Variants in MARCHF1 observed in about 807,000 individuals in gnomAD.
MARCHF1 encodes the protein E3 ubiquitin-protein ligase MARCHF1.
A neutral mutation model predicts 54.2 loss-of-function variants in MARCHF1; 40 were observed. That is an observed-to-expected ratio of 0.74 (90% confidence interval 0.57 to 0.96). MARCHF1 has a LOEUF of 0.96. Among genes scored for constraint, MARCHF1 ranks in the 40% least tolerant of loss-of-function variants. The pLI is 0.00. For synonymous variants in MARCHF1, 236 were observed against 236.3 expected (o/e 1.00, Z 0.01); for missense variants, 586 against 656.5 (o/e 0.89, Z 1.17).
chr4:163,805,693 G>A (rs1294970989), intron 4 of MARCHF1, among the ~76,000 whole-genome samples: 1 of 152,142 alleles, frequency 6.6e-6, no homozygotes. Flanking sequence ...TGAAGTGATT[G>A]TACCATATTG....
chr4:164,106,361 C>T (rs1755698075), intron 2 of MARCHF1, among the ~76,000 whole-genome samples: 1 of 72,466 alleles, frequency 1.4e-5, no homozygotes. Context: ...GACTTGGAAC[C>T]AACCCAAATG....
Position 163,878,796 on chromosome 4 carries a change from A to G in MARCHF1, c.-38-24627T>C, listed in dbSNP as rs1017133271. ...CATCCAAAGTCAGTTTTTTTGTACC[A>G]GCAATTACAGTGTAATTATTTTGTA... On this transcript the variant is annotated intron_variant, in intron 3 of 9. Coordinates refer to ENST00000514618, the MANE Select transcript of MARCHF1 (RefSeq NM_001394959.1). 1.2e-4 allele frequency among the ~76,000 whole-genome samples: 18 copies of G among 152,194 alleles called. 1 individual carries two copies. Among genetic ancestry groups the G allele is most frequent in the Non-Finnish European group, 1.0e-4 (7 of 68,040 alleles).
chr4:164,199,154 C>A (rs1204791207), intron 1 of MARCHF1, among the ~76,000 whole-genome samples: 1 of 152,204 alleles, frequency 6.6e-6, no homozygotes, highest in African/African-American at 2.4e-5. Flanking sequence ...AATGAGCTTA[C>A]ATAAACTGCC....
At chr4:163,844,442 C>T (rs1401129422) in intron 4 of MARCHF1, among the ~76,000 whole-genome samples, 1 of 152,016 alleles carries the variant, frequency 6.6e-6, no homozygotes. Context: ...TCCCACTGAA[C>T]AATTTTTGTT....
rs553998195 is a variant in MARCHF1, at chr4:164,284,098, T to C, written c.-323+99772A>G. 3.2e-4 allele frequency among the ~76,000 whole-genome samples: 49 copies of C among 151,174 alleles called. 3 individuals are homozygous for C. Among genetic ancestry groups the C allele is most frequent in the African/African-American group, 1.1e-3 (47 of 41,252 alleles). On this transcript the variant is annotated intron_variant, in intron 1 of 9. Coordinates refer to ENST00000514618, the MANE Select transcript of MARCHF1 (RefSeq NM_001394959.1). ...GCAATGAATTGAAGATAAAAGGTACTGAAACTGAGAAAGCTTAGGTCCTGA... is the reference window on the plus strand; with the variant it reads ...GCAATGAATTGAAGATAAAAGGTACCGAAACTGAGAAAGCTTAGGTCCTGA...
intron 3 of MARCHF1, among the ~76,000 whole-genome samples, chr4:163,943,947 T>C (rs1037604318): frequency 9.9e-5 from 15 of 151,830 alleles, no homozygotes; most frequent in African/African-American, 3.6e-4. Context: ...CTCAGGATGG[T>C]AAACACAGAA....
At chr4:163,776,604 GT>G (rs1341787961) in intron 4 of MARCHF1, among the ~76,000 whole-genome samples, 1 of 152,030 alleles carries the variant, frequency 6.6e-6, no homozygotes, top group Non-Finnish European at 1.5e-5. Context: ...ATACAAGATA[GT>G]AATACTTAAT....
chr4:163,726,149 G>A (rs1745646119), intron 4 of MARCHF1, among the ~76,000 whole-genome samples: 1 of 152,026 alleles, frequency 6.6e-6, no homozygotes, highest in Non-Finnish European at 1.5e-5. Flanking sequence ...AAAGTCTCTG[G>A]AGTTCATTTG....
intron 4 of MARCHF1, among the ~76,000 whole-genome samples, chr4:163,824,507 T>G (rs1159014088): frequency 4.4e-5 from 6 of 135,020 alleles, no homozygotes; most frequent in African/African-American, 1.6e-4. Context: ...GATTAAAGAC[T>G]TAAATGTTAG....
intron 3 of MARCHF1, among the ~76,000 whole-genome samples, chr4:163,920,064 A>G (rs1174369746): frequency 6.6e-6 from 1 of 152,162 alleles, no homozygotes; most frequent in Non-Finnish European, 1.5e-5. Flanking sequence ...GACTATTAGA[A>G]TAATTAATTT....
At chr4:164,075,523 G>A (rs1461036870) in intron 2 of MARCHF1, among the ~76,000 whole-genome samples, 1 of 152,166 alleles carries the variant, frequency 6.6e-6, no homozygotes. Flanking sequence ...TGTCAGCTGA[G>A]GCCATCCTCA....
At chr4:164,186,257 A>G (rs1301029313) in intron 1 of MARCHF1, among the ~76,000 whole-genome samples, 2 of 152,200 alleles carry the variant, frequency 1.3e-5, no homozygotes, top group African/African-American at 4.8e-5. Context: ...ACCAACGTGA[A>G]TAACGTGTTA....
chr4:163,637,912 C>T (rs1560990346), intron 5 of MARCHF1, among the ~76,000 whole-genome samples: 1 of 150,966 alleles, frequency 6.6e-6, no homozygotes, highest in Non-Finnish European at 1.5e-5. Flanking sequence ...ACTATGCAGC[C>T]ATAAAAATGA....
intron 5 of MARCHF1, among the ~76,000 whole-genome samples, chr4:163,667,889 A>G (rs1419739066): frequency 6.6e-6 from 1 of 152,108 alleles, no homozygotes; most frequent in Non-Finnish European, 1.5e-5. Flanking sequence ...GGCCTCCCAA[A>G]GTGCTGGGAT....
intron 1 of MARCHF1, among the ~76,000 whole-genome samples, chr4:164,163,407 T>C (rs1730292805): frequency 6.6e-6 from 1 of 152,050 alleles, no homozygotes; most frequent in African/African-American, 2.4e-5. Context: ...TTGCTCTTGA[T>C]ATTTGAGTTT....
intron 7 of MARCHF1, among the ~76,000 whole-genome samples, chr4:163,592,995 G>A (rs530235462): frequency 9.5e-4 from 144 of 152,154 alleles, no homozygotes; most frequent in Non-Finnish European, 1.7e-3. Flanking sequence ...AAGCTGGATT[G>A]CATCTTTTAG....
chr4:164,045,388 T>G (rs997464685), intron 2 of MARCHF1, among the ~76,000 whole-genome samples: 5 of 151,948 alleles, frequency 3.3e-5, no homozygotes, highest in Admixed American at 6.6e-5. Flanking sequence ...GGTAGTTGTC[T>G]GTAATCCCAC....
At chr4:163,619,216 T>C (rs1741603396) in intron 5 of MARCHF1, among the ~76,000 whole-genome samples, 1 of 152,140 alleles carries the variant, frequency 6.6e-6, no homozygotes, top group Admixed American at 6.6e-5. Context: ...CAGCAGGAAA[T>C]AGAACTTATT....
chr4:163,723,319 A>T (rs1745539886), intron 4 of MARCHF1, among the ~76,000 whole-genome samples: 2 of 152,142 alleles, frequency 1.3e-5, no homozygotes, highest in African/African-American at 4.8e-5. Flanking sequence ...CTGGGTTGAA[A>T]ATTCTTTTCT....
Sources: gnomAD v4.1 joint callset for allele counts (sites outside exome capture counted in the v4.1 genomes callset) on GRCh38, gnomAD v4.1.1 for gene constraint, MANE v1.5 for transcripts, NCBI Gene and HGNC (gene_info 2026-07-23, HGNC 2026-07-21) for gene names.